Variants in PLXNA4 observed in about 807,000 individuals in gnomAD.
PLXNA4 encodes the protein plexin A4, also known as plexin-A4.
In PLXNA4, 44 loss-of-function variants were observed where a neutral mutation model predicts 191.8. That is an observed-to-expected ratio of 0.23 (90% CI 0.18 to 0.29). The LOEUF (loss-of-function observed/expected upper bound fraction) is 0.29, where lower values mean the gene tolerates loss of function less well. PLXNA4 is among the 10% of genes least tolerant of loss of function. The probability of loss-of-function intolerance (pLI) is 1.00; values close to 1 mark genes in which losing one functional copy is unlikely to be tolerated. For missense variants in PLXNA4, 1,800 were observed against 2,488.8 expected (o/e 0.72, Z 5.89); for synonymous variants, 1,082 against 1,009.5 (o/e 1.07, Z -1.36).
rs1797175044 is a variant in PLXNA4 at position 132,194,069 on chromosome 7, T to A, written c.2849A>T (p.Tyr950Phe). 6.2e-7 allele frequency: 1 copy of A among 1,613,514 alleles called. No homozygotes were observed. The highest frequency in any genetic ancestry group is 8.5e-7 in the Non-Finnish European group (1 of 1,179,722). ...EFMARSSQLY[Y>F]FMTLTLSDLK... ...CTGCTGGCCAAGACTCACCATGAAG[T>A]AATAGAGCTGTGAGGACCGGGCCAT... Residue 950 changes from tyrosine (Y) to phenylalanine (F), a missense_variant, in exon 14 of 32, where the codon TAC becomes TTC. Coordinates refer to ENST00000321063, the MANE Select transcript of PLXNA4 (RefSeq NM_020911.2).
chr7:132,489,170 T>C, intron 3 of PLXNA4, 122 bp downstream of exon 3: 1 of 1,029,822 alleles, frequency 9.7e-7, no homozygotes. Context: ...GCGTATCTCC[T>C]TAGCTCAAAT....
chr7:132,562,610 T>TCTCC (rs1801262647), intron 1 of PLXNA4, among the ~76,000 whole-genome samples: 1 of 56,354 alleles, frequency 1.8e-5, no homozygotes, highest in Non-Finnish European at 3.5e-5. Flanking sequence ...TCCTCCTCCT[T>TCTCC]CTCCTCCTCT....
intron 1 of PLXNA4, among the ~76,000 whole-genome samples, chr7:132,548,904 C>G (rs762537082): frequency 4.6e-5 from 7 of 152,202 alleles, no homozygotes; most frequent in Non-Finnish European, 8.8e-5. Flanking sequence ...GTCGTCCCCA[C>G]TGCTCATTAT....
intron 5 of PLXNA4, among the ~76,000 whole-genome samples, chr7:132,232,922 G>T (rs1184807116): frequency 6.6e-6 from 1 of 152,200 alleles, no homozygotes; most frequent in Middle Eastern, 3.2e-3. Context: ...CAAGCTTGGA[G>T]GGGCTGTTGC....
At chr7:132,422,194 T>C (rs2288970) in intron 3 of PLXNA4, among the ~76,000 whole-genome samples, 43,757 of 152,106 alleles carry the variant, frequency 0.29, 12,748 homozygotes, top group African/African-American at 0.74. Context: ...GCACCCTCCT[T>C]CACCCTGTAT....
chr7:132,534,582 G>A (rs985638835), intron 1 of PLXNA4, among the ~76,000 whole-genome samples: 2 of 152,314 alleles, frequency 1.3e-5, no homozygotes, highest in African/African-American at 4.8e-5. Context: ...GGCACAAAGA[G>A]CCTCTAGCCT....
intron 3 of PLXNA4, among the ~76,000 whole-genome samples, chr7:132,480,848 A>G (rs1033318271): frequency 6.6e-6 from 1 of 152,140 alleles, no homozygotes; most frequent in African/African-American, 2.4e-5. Flanking sequence ...GCAGCCATGG[A>G]GGCAGGAGTC....
intron 4 of PLXNA4, among the ~76,000 whole-genome samples, chr7:132,266,052 A>G (rs1017395052): frequency 1.6e-4 from 25 of 152,198 alleles, no homozygotes; most frequent in African/African-American, 5.3e-4. Context: ...ATCAAATCCC[A>G]TGATAAAGCC....
intron 3 of PLXNA4, chr7:132,484,737 A>G: frequency 1.9e-6 from 3 of 1,579,540 alleles, no homozygotes; most frequent in Non-Finnish European, 2.6e-6. Flanking sequence ...ATTTCCTGAC[A>G]CTTCCATCCA....
chr7:132,264,833 G>A (rs1363244455), intron 4 of PLXNA4, among the ~76,000 whole-genome samples: 2 of 152,074 alleles, frequency 1.3e-5, no homozygotes, highest in African/African-American at 2.4e-5. Flanking sequence ...AAGTAGCTGG[G>A]ATTACAGGCG....
At chr7:132,380,822 G>T (rs553281080) in intron 3 of PLXNA4, among the ~76,000 whole-genome samples, 72 of 152,366 alleles carry the variant, frequency 4.7e-4, no homozygotes, top group African/African-American at 1.7e-3. Context: ...CTGGGTCTAT[G>T]TCTATCAAAT....
At chr7:132,583,207 T>C (rs1802439881) in intron 2 of PLXNA4, among the ~76,000 whole-genome samples, 1 of 151,908 alleles carries the variant, frequency 6.6e-6, no homozygotes, top group Non-Finnish European at 1.5e-5. Context: ...CTTTTGGAGG[T>C]GAGGTTGAAT....
At chr7:132,593,531 G>A (rs1802644000) in intron 2 of PLXNA4, among the ~76,000 whole-genome samples, 1 of 152,218 alleles carries the variant, frequency 6.6e-6, no homozygotes, top group Non-Finnish European at 1.5e-5. Flanking sequence ...AAGGCAGGGA[G>A]TCCAGGAGGA....
At chr7:132,304,786 G>A (rs1370214717) in intron 3 of PLXNA4, among the ~76,000 whole-genome samples, 1 of 111,568 alleles carries the variant, frequency 9.0e-6, no homozygotes, top group Non-Finnish European at 1.9e-5. Flanking sequence ...AACCCCAACC[G>A]GCCCTCCCTC....
intron 2 of PLXNA4, among the ~76,000 whole-genome samples, chr7:132,638,766 T>A (rs533709104): frequency 1.3e-5 from 2 of 152,062 alleles, no homozygotes; most frequent in Non-Finnish European, 1.5e-5. Flanking sequence ...TAAAAATATA[T>A]ATATATATTA....
At chr7:132,372,227 C>T (rs911885892) in intron 3 of PLXNA4, among the ~76,000 whole-genome samples, 1 of 152,198 alleles carries the variant, frequency 6.6e-6, no homozygotes, top group Non-Finnish European at 1.5e-5. Context: ...CAATGAGCTT[C>T]AATTTTCCAA....
intron 24 of PLXNA4, among the ~76,000 whole-genome samples, chr7:132,162,835 T>A (rs1795991029): frequency 6.6e-6 from 1 of 152,026 alleles, no homozygotes; most frequent in Admixed American, 6.6e-5. Flanking sequence ...GATAGGTGGA[T>A]CATGGTCACA....
At chr7:132,534,219 G>T (rs969981747) in intron 1 of PLXNA4, among the ~76,000 whole-genome samples, 1 of 152,108 alleles carries the variant, frequency 6.6e-6, no homozygotes, top group Admixed American at 6.5e-5. Context: ...AGACTACTTG[G>T]CTGGAACAGG....
intron 9 of PLXNA4, among the ~76,000 whole-genome samples, chr7:132,212,563 C>T (rs1202156422): frequency 6.6e-6 from 1 of 152,190 alleles, no homozygotes; most frequent in African/African-American, 2.4e-5. Context: ...AGTGGGACTC[C>T]AAGGCCCTAA....
Sources: allele counts gnomAD v4.1 joint callset (sites outside exome capture counted in the v4.1 genomes callset), GRCh38; gene constraint gnomAD v4.1.1; transcripts MANE v1.5; gene names NCBI Gene and HGNC (gene_info 2026-07-23, HGNC 2026-07-21).